The following PURG variants were observed in gnomAD, a reference collection of about 807,000 sequenced individuals.
The protein encoded by PURG is purine rich element binding protein G, also known as purine-rich element-binding protein gamma.
Under a neutral mutation model 24.3 loss-of-function variants are expected in PURG, and 3 were observed. That is an observed-to-expected ratio of 0.12 (90% confidence interval 0.06 to 0.32). The LOEUF is 0.32. PURG is among the 10% of genes least tolerant of loss of function. PURG has a pLI of 1.00. For synonymous variants in PURG, 180 were observed against 173.1 expected (o/e 1.04, Z -0.31); for missense variants, 371 against 439.1 (o/e 0.84, Z 1.39).
intron 1 of PURG, among the ~76,000 whole-genome samples, chr8:31,012,106 T>G (rs1810775035): frequency 6.6e-6 from 1 of 152,190 alleles, no homozygotes; most frequent in Non-Finnish European, 1.5e-5. Flanking sequence ...AGAGATGATT[T>G]AAGTAATCAG....
intron 1 of PURG, among the ~76,000 whole-genome samples, chr8:31,024,704 AAT>A (rs1477988193): frequency 1.3e-5 from 2 of 152,114 alleles, no homozygotes; most frequent in African/African-American, 4.8e-5. Flanking sequence ...TAAAATACTA[AAT>A]ATGTTTTGAA....
intron 1 of PURG, among the ~76,000 whole-genome samples, chr8:30,999,219 A>C (rs1220475752): frequency 6.6e-6 from 1 of 151,854 alleles, no homozygotes; most frequent in Non-Finnish European, 1.5e-5. Context: ...GTTTAGATAA[A>C]TTATGACTAT....
intron 1 of PURG, among the ~76,000 whole-genome samples, chr8:31,000,616 G>A (rs1341081359): frequency 6.6e-6 from 1 of 152,040 alleles, no homozygotes; most frequent in Non-Finnish European, 1.5e-5. Flanking sequence ...TTTAATTAGG[G>A]TGAAAGCTGG....
At chr8:31,016,240 C>T (rs968690089) in intron 1 of PURG, among the ~76,000 whole-genome samples, 4 of 151,908 alleles carry the variant, frequency 2.6e-5, no homozygotes, top group African/African-American at 9.7e-5. Context: ...ATTAGCCAGG[C>T]ACAGTGGCAC....
chr8:31,018,138 A>G (rs1810910732), intron 1 of PURG, among the ~76,000 whole-genome samples: 1 of 152,240 alleles, frequency 6.6e-6, no homozygotes, highest in Admixed American at 6.5e-5. Context: ...AAAGTTCATG[A>G]AAATTTAAAA....
chr8:31,019,327 A>ATTTTTT (rs771463137), intron 1 of PURG, among the ~76,000 whole-genome samples: 1 of 78,924 alleles, frequency 1.3e-5, no homozygotes, highest in African/African-American at 5.0e-5. Context: ...AACACCTCTA[A>ATTTTTT]TTTTTTTTTT....
intron 1 of PURG, among the ~76,000 whole-genome samples, chr8:30,998,905 C>A (rs966509238): frequency 1.3e-5 from 2 of 151,746 alleles, no homozygotes; most frequent in Non-Finnish European, 1.5e-5. Context: ...CAGGTACAGG[C>A]ACAATGAGTA....
chr8:31,015,110 T>A (rs191917550), intron 1 of PURG, among the ~76,000 whole-genome samples: 49 of 152,358 alleles, frequency 3.2e-4, no homozygotes, highest in Admixed American at 2.8e-3. Context: ...ATATTGCTTA[T>A]TTTAAAGAAA....
At chr8:31,019,278 G>A (rs1810943227) in intron 1 of PURG, among the ~76,000 whole-genome samples, 1 of 130,398 alleles carries the variant, frequency 7.7e-6, no homozygotes, top group South Asian at 2.6e-4. Flanking sequence ...TTAAAAATAT[G>A]TTAGTTATAG....
intron 1 of PURG, among the ~76,000 whole-genome samples, chr8:31,024,818 C>T (rs1020163370): frequency 2.0e-5 from 3 of 151,830 alleles, no homozygotes; most frequent in Non-Finnish European, 4.4e-5. Context: ...ACAACATAAG[C>T]TTTTTTTCCC....
At chr8:31,009,645 G>T (rs375842318) in intron 1 of PURG, among the ~76,000 whole-genome samples, 4 of 152,032 alleles carry the variant, frequency 2.6e-5, no homozygotes, top group Admixed American at 2.0e-4. Context: ...GTATTATTTC[G>T]ATTTTCTGCT....
At chr8:31,018,114 G>C (rs999913850) in intron 1 of PURG, among the ~76,000 whole-genome samples, 1 of 152,130 alleles carries the variant, frequency 6.6e-6, no homozygotes, top group Non-Finnish European at 1.5e-5. Flanking sequence ...TATTTAACTA[G>C]TCATTTAATT....
chr8:31,028,279 C>A (rs1811126562), downstream of PURG, among the ~76,000 whole-genome samples: 1 of 151,628 alleles, frequency 6.6e-6, no homozygotes, highest in African/African-American at 2.4e-5. Flanking sequence ...CATCTTCTAC[C>A]CTTCTCCATT....
chr8:31,004,234 T>C (rs1443961719), intron 1 of PURG, among the ~76,000 whole-genome samples: 1 of 152,218 alleles, frequency 6.6e-6, no homozygotes, highest in Non-Finnish European at 1.5e-5. Flanking sequence ...ATTTATATAA[T>C]ATTTGCTTGG....
At chr8:31,028,481 T>C (rs1222998383), downstream of PURG, among the ~76,000 whole-genome samples, 1 of 151,826 alleles carries the variant, frequency 6.6e-6, no homozygotes, top group East Asian at 1.9e-4. Context: ...ATTGTCTGCC[T>C]GGACCATACA....
At chr8:31,006,237 G>A (rs2129785578) in intron 1 of PURG, among the ~76,000 whole-genome samples, 1 of 152,258 alleles carries the variant, frequency 6.6e-6, no homozygotes. Context: ...GTTTTGAGAA[G>A]AAAACAATAA....
intron 1 of PURG, among the ~76,000 whole-genome samples, chr8:31,003,224 A>C (rs1328457534): frequency 6.6e-6 from 1 of 152,208 alleles, no homozygotes; most frequent in Non-Finnish European, 1.5e-5. Flanking sequence ...ACCTGAACAA[A>C]AAAGTAAGTA....
Position 31,031,604 on chromosome 8 carries a change from T to G in PURG, c.*135A>C. 1.3e-6 allele frequency: 1 copy of G among 748,578 alleles called. No homozygotes were observed. The highest frequency in any genetic ancestry group is 3.2e-4 in the Middle Eastern group (1 of 3,132). 46.4% of individuals were successfully genotyped at this position (748,578 alleles called of 1,614,324 possible). On this transcript the variant is annotated 3_prime_UTR_variant, in exon 2 of 2. Coordinates refer to ENST00000523392, the MANE Select transcript of PURG (RefSeq NM_001323311.2). ...AACATAACATGAGAATCAGACTTCC[T>G]GAAGTATCAACTACTAGAGGTATTA...
intron 1 of PURG, among the ~76,000 whole-genome samples, chr8:31,005,678 A>T (rs967469339): frequency 6.6e-6 from 1 of 152,108 alleles, no homozygotes; most frequent in African/African-American, 2.4e-5. Context: ...GCATTTTATT[A>T]AATTATATCT....
Sources: gnomAD v4.1 joint callset for allele counts (sites outside exome capture counted in the v4.1 genomes callset) on GRCh38, gnomAD v4.1.1 for gene constraint, MANE v1.5 for transcripts, NCBI Gene and HGNC (gene_info 2026-07-23, HGNC 2026-07-21) for gene names.